PCF11: variants seen among roughly 807,000 people sequenced by gnomAD.
The protein encoded by PCF11 is pre-mRNA cleavage complex 2 protein Pcf11.
PCF11 carries 19 observed loss-of-function variants against 166.1 expected under a neutral mutation model. That is an observed-to-expected ratio of 0.11 (90% confidence interval 0.08 to 0.17). The LOEUF (loss-of-function observed/expected upper bound fraction) is 0.17. Among genes scored for constraint, PCF11 ranks in the 10% least tolerant of loss-of-function variants. The probability of loss-of-function intolerance (pLI) is 1.00; values close to 1 mark genes in which losing one functional copy is unlikely to be tolerated. For synonymous variants in PCF11, 663 were observed against 644.1 expected (o/e 1.03, Z -0.44); for missense variants, 1,565 against 1,855.5 (o/e 0.84, Z 2.88).
intron 9 of PCF11, among the ~76,000 whole-genome samples, chr11:83,174,667 T>C (rs1860814628): frequency 6.6e-6 from 1 of 152,194 alleles, no homozygotes; most frequent in Non-Finnish European, 1.5e-5. Context: ...TATTACCCTT[T>C]TTACAGGCAC....
exon 8 of PCF11, chr11:83,168,530 G>C (rs773756911): frequency 1.9e-6 from 3 of 1,614,042 alleles, no homozygotes; most frequent in East Asian, 4.5e-5. Context: ...CCAGCATCAA[G>C]ATTCGCCGGC....
intron 9 of PCF11, among the ~76,000 whole-genome samples, chr11:83,172,209 G>A (rs1346845833): frequency 6.6e-6 from 1 of 152,152 alleles, no homozygotes; most frequent in African/African-American, 2.4e-5. Flanking sequence ...TATGACATTT[G>A]TGTTGAGATA....
exon 9 of PCF11, chr11:83,171,899 G>T: frequency 1.3e-6 from 2 of 1,561,630 alleles, no homozygotes; most frequent in African/African-American, 2.7e-5. Context: ...TCCTGGATTT[G>T]TTCAGAATCC....
At position 83,183,087 on chromosome 11, in the gene PCF11, G is replaced by T; in HGVS notation, c.4452+14G>T. ...GATTATCAAAATGTAAGTTCTTTTT[G>T]GTTACTGTATTTGTTCTCATTTGCA... On this transcript the variant is annotated intron_variant, in intron 15 of 15. Transcript: ENST00000298281. 7.0e-7 allele frequency: 1 copy of T among 1,421,454 alleles called. No homozygotes were observed. The highest frequency in any genetic ancestry group is 9.7e-7 in the Non-Finnish European group (1 of 1,030,508). The allele number at this position is 1,421,454 out of a possible 1,614,324, so 88.1% of individuals were successfully genotyped here.
chr11:83,167,752 G>A lies in PCF11; in HGVS notation c.2092+247G>A. The A allele has an allele frequency of 6.9e-7, 1 of 1,448,580 alleles. No homozygotes were observed. Among genetic ancestry groups the A allele is most frequent in the Middle Eastern group, 1.8e-4 (1 of 5,574 alleles). The allele number at this position is 1,448,580 out of a possible 1,614,324, so 89.7% of individuals were successfully genotyped here. On this transcript the variant is annotated intron_variant, in intron 7 of 15. Transcript: ENST00000298281. This position sits in a 1 kb window ranked among gnomAD's most constrained non-coding sequence, Gnocchi z 4.2. ...CCATCCAAAAGTAAACATGCAAGTA[G>A]GAATAGTGGAGCACAGTTTGACAGA...
At chr11:83,168,306 G>A (rs1860544872) in intron 7 of PCF11, 122 bp from the exon 8 acceptor site, 2 of 918,440 alleles carry the variant, frequency 2.2e-6, no homozygotes, top group African/African-American at 1.7e-5. Flanking sequence ...GCTGCTTTAC[G>A]CTGTCGGTCT....
chr11:83,175,162 T>G (rs1189768942), intron 9 of PCF11, among the ~76,000 whole-genome samples: 1 of 152,166 alleles, frequency 6.6e-6, no homozygotes, highest in Non-Finnish European at 1.5e-5. Flanking sequence ...AGATAGGGTC[T>G]TCTTGCTCTT....
chr11:83,162,565 A>T (rs948776932), intron 2 of PCF11, among the ~76,000 whole-genome samples: 5 of 152,172 alleles, frequency 3.3e-5, no homozygotes, highest in African/African-American at 1.2e-4. Context: ...CGGTTTCAGT[A>T]TGTTCAAATT....
chr11:83,175,830 C>T (rs1860859764), intron 9 of PCF11, among the ~76,000 whole-genome samples: 1 of 152,148 alleles, frequency 6.6e-6, no homozygotes, highest in African/African-American at 2.4e-5. Flanking sequence ...GGAATGATTC[C>T]TCACCAATGA....
exon 13 of PCF11, chr11:83,181,902 A>T: frequency 6.2e-7 from 1 of 1,612,116 alleles, no homozygotes; most frequent in Non-Finnish European, 8.5e-7. Context: ...ACGGGCAAAG[A>T]GCCAGTTTTT....
chr11:83,159,997 C>G (rs1006587294), intron 1 of PCF11, among the ~76,000 whole-genome samples: 1 of 152,254 alleles, frequency 6.6e-6, no homozygotes, highest in Middle Eastern at 3.4e-3. Context: ...AAGGTAAAGA[C>G]ACAGCAGTAA....
intron 5 of PCF11, among the ~76,000 whole-genome samples, 200 bp from the exon 6 acceptor site, chr11:83,166,925 C>T (rs756041104): frequency 2.0e-5 from 3 of 152,142 alleles, no homozygotes; most frequent in Admixed American, 6.5e-5. Context: ...CCTAAGGCTG[C>T]AGTCCAGGAC....
chr11:83,173,314 G>A (rs559314108), intron 9 of PCF11, among the ~76,000 whole-genome samples: 2 of 152,204 alleles, frequency 1.3e-5, no homozygotes, highest in East Asian at 1.9e-4. Context: ...AATTAGCTGG[G>A]TGTGGTGGTG....
In PCF11 at chr11:83,166,094, G is replaced by A. The variant is rs563355895; in HGVS notation, c.1197G>A (p.Lys399=). Residue 399 remains lysine, a synonymous_variant, in exon 5 of 16, where the codon AAG becomes AAA. Coordinates refer to ENST00000298281, the Ensembl canonical transcript of PCF11. ...GTATGAGGTTGTCTGATATGAACAAGAGAGATCCAAGATTAAAAAAACATC... is the reference window on the plus strand; with the variant it reads ...GTATGAGGTTGTCTGATATGAACAAAAGAGATCCAAGATTAAAAAAACATC... 128 of 1,611,302 alleles carry A rather than the reference G, an allele frequency of 7.9e-5. 2 individuals carry two copies. In the South Asian group the frequency reaches 1.3e-3, roughly 16 times the overall value.
intron 2 of PCF11, 31 bp from the exon 3 acceptor site, chr11:83,163,648 A>C: frequency 1.1e-6 from 1 of 892,678 alleles, no homozygotes; most frequent in South Asian, 2.8e-5. Flanking sequence ...ATAGTAACTT[A>C]ACAAGCCATA....
intron 1 of PCF11, chr11:83,158,629 G>A (rs887107119): frequency 2.0e-5 from 3 of 152,170 alleles, no homozygotes; most frequent in Non-Finnish European, 4.4e-5. Context: ...GCGTCCCAGT[G>A]CTACATTTTA....
At chr11:83,182,959 C>A in intron 14 of PCF11, 79 bp from the exon 15 acceptor site, 2 of 894,570 alleles carry the variant, frequency 2.2e-6, no homozygotes, top group Admixed American at 2.9e-5. Flanking sequence ...TATCTTCTGG[C>A]TTAAAGTTAA....
exon 13 of PCF11, chr11:83,181,859 G>C (rs1380057129): frequency 1.2e-6 from 2 of 1,602,504 alleles, no homozygotes; most frequent in Admixed American, 3.5e-5. Flanking sequence ...TTAAGGACTG[G>C]ATAGAATTTG....
At chr11:83,174,391 T>C (rs1860804297) in intron 9 of PCF11, among the ~76,000 whole-genome samples, 1 of 151,744 alleles carries the variant, frequency 6.6e-6, no homozygotes, top group Non-Finnish European at 1.5e-5. Flanking sequence ...TTAAAGTTTT[T>C]TTTTTTTTTT....
Sources: gnomAD v4.1 joint callset for allele counts (sites outside exome capture counted in the v4.1 genomes callset) on GRCh38, gnomAD v4.1.1 for gene constraint, Gnocchi (gnomAD v3.1) non-coding constraint, MANE v1.5 for transcripts, NCBI Gene and HGNC (gene_info 2026-07-23, HGNC 2026-07-21) for gene names.